SSC4D: variants seen among roughly 807,000 people sequenced by gnomAD.
SSC4D encodes scavenger receptor cysteine rich family member with 4 domains, also known as scavenger receptor cysteine-rich domain-containing group B protein.
Under a neutral mutation model 63.4 loss-of-function variants are expected in SSC4D, and 57 were observed. The ratio of observed to expected loss-of-function variants is 0.90; its 90% CI spans 0.73 to 1.12. The LOEUF (loss-of-function observed/expected upper bound fraction) is 1.12. Ranked by LOEUF, SSC4D falls within the 50% of genes most tolerant of loss-of-function variation. The probability of loss-of-function intolerance (pLI) is 0.00; values close to 1 mark genes in which losing one functional copy is unlikely to be tolerated. For missense variants in SSC4D, 791 were observed against 806.4 expected (o/e 0.98, Z 0.23); for synonymous variants, 352 against 345.4 (o/e 1.02, Z -0.21).
chr7:76,394,378 A>G (rs965365101), intron 7 of SSC4D, among the ~76,000 whole-genome samples: 2 of 150,642 alleles, frequency 1.3e-5, no homozygotes, highest in Non-Finnish European at 2.9e-5. Flanking sequence ...CCAAAGTGCT[A>G]GGACTGGTGC....
intron 4 of SSC4D, 143 bp from the exon 5 acceptor site, chr7:76,398,940 TGG>T (rs1804727731): frequency 1.3e-6 from 1 of 776,340 alleles, no homozygotes; most frequent in Non-Finnish European, 2.1e-6. Flanking sequence ...CCAGGAACAC[TGG>T]GGTATGAGAG....
chr7:76,392,538 C>CA (rs1172136856), intron 9 of SSC4D, among the ~76,000 whole-genome samples: 1,167 of 111,318 alleles, frequency 0.01, 15 homozygotes, highest in East Asian at 0.094. Context: ...GACTCTGTCT[C>CA]AAAAAAAAAA....
At chr7:76,407,328 G>A (rs1805069541) in intron 1 of SSC4D, among the ~76,000 whole-genome samples, 1 of 143,590 alleles carries the variant, frequency 7.0e-6, no homozygotes, top group African/African-American at 2.6e-5. Context: ...AAGCTGAGGC[G>A]GGAGGATCTC....
rs1318588536 is a variant in SSC4D, at chr7:76,389,817, A to C, written c.*242T>G. 3.6e-6 allele frequency: 2 copies of C among 555,122 alleles called. No homozygotes were observed. The highest frequency in any genetic ancestry group is 1.9e-5 in the African/African-American group (1 of 53,008). 34.4% of individuals were successfully genotyped at this position (555,122 alleles called of 1,614,324 possible). ...CTCGTTTTGGTTTTGGCTGAGCAAA[A>C]CCACAGGAGCTTTCACTGAATTGGG... On this transcript the variant is annotated 3_prime_UTR_variant, in exon 11 of 11. Transcript: ENST00000275560.
rs1319184938 is a variant in SSC4D, at chr7:76,390,154, C to T, written c.1633G>A (p.Glu545Lys). Residue 545 changes from glutamate to lysine, a missense_variant, in exon 11 of 11, where the codon GAA (glutamate) becomes AAA (lysine). By Grantham distance (56) the Glu-to-Lys change is moderately conservative. Transcript: ENST00000275560. ...ILLDNVKCRG[E>K]ESALLLCSHI... ...GAGCAGAGCAGCAGAGCACTTTCTT[C>T]CCCACGGCACTTGACATTGTCCAGG... 2 of 1,614,114 alleles carry T rather than the reference C, an allele frequency of 1.2e-6. No individual in the cohort carries two copies. Among genetic ancestry groups the T allele is most frequent in the East Asian group, 4.5e-5 (2 of 44,890 alleles).
chr7:76,404,518 A>C lies in SSC4D; in HGVS notation c.-66-13T>G. 1 of 1,607,710 alleles carries C rather than the reference A, an allele frequency of 6.2e-7. No homozygotes were observed. The highest frequency in any genetic ancestry group is 1.1e-5 in the South Asian group (1 of 90,868). On this transcript the variant is annotated splice_polypyrimidine_tract_variant and intron_variant, in intron 1 of 10. Transcript: ENST00000275560. Reference sequence around the variant, plus strand: ...ACAGTTGGAACATCTGAAATTAAAGATCCCAAATGTTGCTGGGCCTCCCAG... The same window carrying C: ...ACAGTTGGAACATCTGAAATTAAAGCTCCCAAATGTTGCTGGGCCTCCCAG...
At position 76,405,299 on chromosome 7, in the gene SSC4D, A is replaced by G. The variant is rs867947410; in HGVS notation, c.-66-794T>C. Among the ~76,000 whole-genome samples the G allele has an allele frequency of 2.4e-3, 116 of 47,974 alleles. 2 individuals are homozygous for G. The highest frequency in any genetic ancestry group is 8.7e-3 in the African/African-American group (85 of 9,778). The allele number at this position is 47,974 out of a possible 152,430, so 31.5% of individuals were successfully genotyped here. A position where few individuals can be genotyped will look rare whatever the true frequency, so the allele number is the denominator to read the frequency against. Reference sequence around the variant, plus strand: ...TATATATATATATATATATATATATATATATATATATATATATGTATTTTT... The same window carrying G: ...TATATATATATATATATATATATATGTATATATATATATATATGTATTTTT... On this transcript the variant is annotated intron_variant, in intron 1 of 10. Coordinates refer to ENST00000275560, the MANE Select transcript of SSC4D (RefSeq NM_080744.2).
At position 76,397,505 on chromosome 7, in the gene SSC4D, CTAGAG is replaced by C. The variant is rs1396366412; in HGVS notation, c.868+8_868+12del. On this transcript the variant is annotated splice_region_variant and intron_variant, in intron 6 of 10. Coordinates refer to ENST00000275560, the MANE Select transcript of SSC4D (RefSeq NM_080744.2). ...CCTGCCCCGGCCCCGCCCATCGCCC[CTAGAG>C]CCCGCACCTGCGCAGAGCGCGCCCG... 6.6e-7 allele frequency: 1 copy of C among 1,505,734 alleles called. No homozygotes were observed. The highest frequency in any genetic ancestry group is 2.2e-5 in the Admixed American group (1 of 44,928). The allele number at this position is 1,505,734 out of a possible 1,614,324, so 93.3% of individuals were successfully genotyped here. A position where few individuals can be genotyped will look rare whatever the true frequency, so the allele number is the denominator to read the frequency against.
chr7:76,393,272 G>A lies in SSC4D; in HGVS notation c.1333+133C>T, dbSNP rs1445419251. 1.5e-5 allele frequency: 14 copies of A among 950,248 alleles called. 1 individual carries two copies. The highest frequency in any genetic ancestry group is 3.9e-4 in the Middle Eastern group (1 of 2,560). The allele number at this position is 950,248 out of a possible 1,614,324, so 58.9% of individuals were successfully genotyped here. ...CAGAGCGGGCGCACGGCGGGGCGGC[G>A]CCCCTCTGCGGAGTGCGCATGCTCC... is the stretch of plus-strand genomic sequence containing the variant. On this transcript the variant is annotated intron_variant, in intron 9 of 10. Transcript: ENST00000275560.
rs113984440 is a variant in SSC4D at position 76,398,651 on chromosome 7, C to T, written c.553+69G>A. 81 of 1,506,144 alleles carry T rather than the reference C, an allele frequency of 5.4e-5. No individual in the cohort carries two copies. In the African/African-American group the frequency reaches 6.2e-4, roughly 12 times the overall value. The allele number at this position is 1,506,144 out of a possible 1,614,324, so 93.3% of individuals were successfully genotyped here. ...TCAATTTGTAATCCCTGTCTTCCCA[C>T]TGCCTAGGGTAGGGTGTGAGAGACT... is the stretch of plus-strand genomic sequence containing the variant. On this transcript the variant is annotated intron_variant, in intron 5 of 10. Transcript: ENST00000275560.
chr7:76,405,007 T>C (rs907686389), intron 1 of SSC4D, among the ~76,000 whole-genome samples: 1 of 151,128 alleles, frequency 6.6e-6, no homozygotes, highest in Non-Finnish European at 1.5e-5. Context: ...GAGGTAGAAG[T>C]TGCAGTGAGC....
chr7:76,391,914 C>CT (rs1201252276), intron 10 of SSC4D, 50 bp downstream of exon 10: 1 of 1,542,666 alleles, frequency 6.5e-7, no homozygotes, highest in Non-Finnish European at 8.8e-7. Flanking sequence ...AATCCAGGTC[C>CT]TTAAGACCCC....
intron 7 of SSC4D, among the ~76,000 whole-genome samples, 192 bp from the exon 8 acceptor site, chr7:76,394,096 G>A (rs1367222904): frequency 6.6e-6 from 1 of 152,140 alleles, no homozygotes; most frequent in East Asian, 1.9e-4. Context: ...TGAACCGAAA[G>A]CTAATTCTAG....
chr7:76,404,314 CAGG>C lies in SSC4D; in HGVS notation c.123_125del (p.Leu42del), dbSNP rs1563686222. The C allele has an allele frequency of 6.9e-6, 11 of 1,601,162 alleles. No homozygotes were observed. The South Asian group carries it at 1.2e-4, about 18-fold the overall frequency. ...TAACAGGGGAGGACTCACCCAGTGG[CAGG>C]AGGAGAAGGAAAGACAGGGCTTGGG... On this transcript the variant is annotated inframe_deletion, in exon 2 of 11. Transcript: ENST00000275560.
intron 10 of SSC4D, 26 bp downstream of exon 10, chr7:76,391,938 A>T (rs1378255368): frequency 3.2e-5 from 50 of 1,575,868 alleles, no homozygotes; most frequent in Non-Finnish European, 4.3e-5. Flanking sequence ...GCCTCCACCC[A>T]CTTTCAGGGG....
At chr7:76,400,065 T>C (rs1197597498) in intron 4 of SSC4D, among the ~76,000 whole-genome samples, 1 of 152,124 alleles carries the variant, frequency 6.6e-6, no homozygotes, top group Non-Finnish European at 1.5e-5. Flanking sequence ...ATAGAAGCAG[T>C]AGTGCTGGTT....
At chr7:76,391,501 T>C (rs1408418254) in intron 10 of SSC4D, among the ~76,000 whole-genome samples, 5 of 152,098 alleles carry the variant, frequency 3.3e-5, no homozygotes, top group Non-Finnish European at 7.4e-5. Context: ...GGAGAAAGCG[T>C]GCAAACGTTT....
At position 76,389,827 on chromosome 7, in the gene SSC4D, C is replaced by CT; in HGVS notation, c.*231dup. ...TTTTGGCTGAGCAAAACCACAGGAG[C>CT]TTTCACTGAATTGGGCTCACAACAG... On this transcript the variant is annotated 3_prime_UTR_variant, in exon 11 of 11. Transcript: ENST00000275560. The CT allele has an allele frequency of 1.6e-5, 9 of 577,088 alleles. No homozygotes were observed. In the South Asian group the frequency reaches 2.0e-4, roughly 13 times the overall value. The allele number at this position is 577,088 out of a possible 1,614,324, so 35.7% of individuals were successfully genotyped here.
chr7:76,391,159 C>T (rs1023206690), intron 10 of SSC4D, among the ~76,000 whole-genome samples: 4 of 149,488 alleles, frequency 2.7e-5, no homozygotes, highest in African/African-American at 7.4e-5. Flanking sequence ...TGGGGCCAGG[C>T]GCAGTGGCTC....
Sources: allele counts gnomAD v4.1 joint callset (sites outside exome capture counted in the v4.1 genomes callset), GRCh38; gene constraint gnomAD v4.1.1; transcripts MANE v1.5; gene names NCBI Gene and HGNC (gene_info 2026-07-23, HGNC 2026-07-21).